The following EPB41L5 variants were observed in gnomAD, a reference collection of about 807,000 sequenced individuals.
The protein encoded by EPB41L5 is band 4.1-like protein 5.
In EPB41L5, 55 loss-of-function variants were observed where a neutral mutation model predicts 106.6. The observed-to-expected ratio is 0.52, with a 90% CI of 0.42 to 0.65. The LOEUF (loss-of-function observed/expected upper bound fraction) is 0.65, where lower values mean the gene tolerates loss of function less well. EPB41L5 is among the 30% of genes least tolerant of loss of function. The pLI is 0.00. For synonymous variants in EPB41L5, 297 were observed against 306.7 expected, an observed-to-expected ratio of 0.97 and a Z score of 0.33; for missense variants, 871 against 882.1, an observed-to-expected ratio of 0.99 and a Z score of 0.16.
intron 16 of EPB41L5, among the ~76,000 whole-genome samples, chr2:120,124,242 C>T (rs144439040): frequency 3.2e-4 from 48 of 152,326 alleles, no homozygotes; most frequent in Middle Eastern, 6.8e-3. Flanking sequence ...AGCTCCTGCC[C>T]ACAAGTACCC....
Position 120,153,085 on chromosome 2 carries a change from G to A in EPB41L5, c.1793+6796G>A, listed in dbSNP as rs114135824. ...CTTTGTTTTTCTAGTTCCTTAAGGTGTAAAGTTAGGTTATTGATTTTAAGA... is the reference window on the plus strand; with the variant it reads ...CTTTGTTTTTCTAGTTCCTTAAGGTATAAAGTTAGGTTATTGATTTTAAGA... On this transcript the variant is annotated intron_variant, in intron 20 of 24. Coordinates refer to ENST00000263713, the MANE Select transcript of EPB41L5 (RefSeq NM_020909.4). Among the ~76,000 whole-genome samples the A allele has an allele frequency of 2.2e-3, 341 of 152,196 alleles. 2 individuals are homozygous for A. Among genetic ancestry groups the A allele is most frequent in the African/African-American group, 7.7e-3 (319 of 41,572 alleles).
chr2:120,103,049 C>T lies in EPB41L5; in HGVS notation c.1337+2235C>T, dbSNP rs186986214. Reference sequence around the variant, plus strand: ...ATGATTTTGTTATTAAAAAAGCCTTCCAATTTTGTTTTGAAAAATTATTTT... The same window carrying T: ...ATGATTTTGTTATTAAAAAAGCCTTTCAATTTTGTTTTGAAAAATTATTTT... On this transcript the variant is annotated intron_variant, in intron 16 of 24. Transcript: ENST00000263713. Among the ~76,000 whole-genome samples, 106 of 152,224 alleles carry T rather than the reference C, an allele frequency of 7.0e-4. 1 individual carries two copies. Among genetic ancestry groups the T allele is most frequent in the Non-Finnish European group, 8.1e-4 (55 of 67,996 alleles).
intron 3 of EPB41L5, among the ~76,000 whole-genome samples, chr2:120,050,675 A>G (rs1056582477): frequency 2.6e-5 from 4 of 152,182 alleles, no homozygotes; most frequent in African/African-American, 9.7e-5. Flanking sequence ...GTCATTCTCC[A>G]TCCAGCTTTG....
At chr2:120,063,923 C>T (rs1681264004) in intron 3 of EPB41L5, among the ~76,000 whole-genome samples, 1 of 150,916 alleles carries the variant, frequency 6.6e-6, no homozygotes, top group East Asian at 1.9e-4. Context: ...GCCTGGGTGA[C>T]GAGAGTGAAA....
chr2:120,048,144 G>T (rs376392519), intron 3 of EPB41L5, among the ~76,000 whole-genome samples: 1 of 152,108 alleles, frequency 6.6e-6, no homozygotes, highest in East Asian at 1.9e-4. Context: ...TCTCTGCCAG[G>T]CTTTGGTATC....
intron 18 of EPB41L5, among the ~76,000 whole-genome samples, chr2:120,139,548 A>G (rs1686081458): frequency 2.0e-5 from 3 of 152,148 alleles, no homozygotes; most frequent in Admixed American, 2.0e-4. Context: ...AAAAGAAGAC[A>G]TACAAATGGC....
chr2:120,093,426 A>G (rs1683546281), intron 14 of EPB41L5, 150 bp downstream of exon 14: 1 of 711,502 alleles, frequency 1.4e-6, no homozygotes, highest in Non-Finnish European at 2.5e-6. Flanking sequence ...ATGTAATGCC[A>G]GATAAAAGTG....
At chr2:120,015,080 T>G (rs918945121) in intron 1 of EPB41L5, among the ~76,000 whole-genome samples, 2 of 150,938 alleles carry the variant, frequency 1.3e-5, no homozygotes, top group Non-Finnish European at 3.0e-5. Context: ...TCCCAGCACT[T>G]TGGGAGGCCG....
intron 2 of EPB41L5, among the ~76,000 whole-genome samples, chr2:120,035,661 A>C (rs1214084784): frequency 6.6e-6 from 1 of 152,192 alleles, no homozygotes; most frequent in Non-Finnish European, 1.5e-5. Context: ...CCTGGGCAAC[A>C]TGGTGAGACC....
At chr2:120,078,278 C>T (rs1409357470) in intron 9 of EPB41L5, among the ~76,000 whole-genome samples, 1 of 152,170 alleles carries the variant, frequency 6.6e-6, no homozygotes, top group African/African-American at 2.4e-5. Context: ...CACTTTAAAA[C>T]TCTAGTGTTT....
At chr2:120,119,904 T>C (rs1685133843) in intron 16 of EPB41L5, among the ~76,000 whole-genome samples, 1 of 152,210 alleles carries the variant, frequency 6.6e-6, no homozygotes, top group South Asian at 2.1e-4. Context: ...ATAAATTATA[T>C]TAAGCTCAAA....
intron 10 of EPB41L5, among the ~76,000 whole-genome samples, chr2:120,084,971 C>T (rs2105350398): frequency 6.6e-6 from 1 of 152,296 alleles, no homozygotes; most frequent in East Asian, 1.9e-4. Context: ...TGGTTTTCAG[C>T]TCCATCAGGT....
chr2:120,118,395 G>C (rs1327393192), intron 16 of EPB41L5, among the ~76,000 whole-genome samples: 1 of 152,000 alleles, frequency 6.6e-6, no homozygotes, highest in African/African-American at 2.4e-5. Flanking sequence ...TGTGCAGAAC[G>C]TGCAGGTTTG....
At chr2:120,047,583 A>T (rs1236862458) in intron 3 of EPB41L5, among the ~76,000 whole-genome samples, 1 of 151,940 alleles carries the variant, frequency 6.6e-6, no homozygotes, top group African/African-American at 2.4e-5. Flanking sequence ...GGGTTTTCTA[A>T]ATATACAATC....
intron 10 of EPB41L5, among the ~76,000 whole-genome samples, chr2:120,081,297 G>T (rs1369574779): frequency 4.6e-5 from 7 of 152,254 alleles, no homozygotes; most frequent in Non-Finnish European, 4.4e-5. Flanking sequence ...AAGGTGTAAG[G>T]AAGGGATCCA....
chr2:120,120,795 C>G (rs947861837), intron 16 of EPB41L5, among the ~76,000 whole-genome samples: 6 of 152,128 alleles, frequency 3.9e-5, no homozygotes, highest in African/African-American at 1.4e-4. Flanking sequence ...ACTGTTCCAG[C>G]TTTTTCTTCT....
chr2:120,058,407 C>T (rs1680804062), intron 3 of EPB41L5, among the ~76,000 whole-genome samples: 1 of 152,184 alleles, frequency 6.6e-6, no homozygotes, highest in South Asian at 2.1e-4. Flanking sequence ...AACTCCTGGC[C>T]TCAAGTGATC....
chr2:120,167,980 C>T lies in EPB41L5; in HGVS notation c.2108C>T (p.Ala703Val), dbSNP rs774831019. 1.8e-5 allele frequency: 29 copies of T among 1,613,962 alleles called. No individual in the cohort carries two copies. In the African/African-American group the frequency reaches 2.1e-4, roughly 12 times the overall value. ...KDGISLISPPAPFLVDAVTSS... is the reference protein window; with the variant it reads ...KDGISLISPPVPFLVDAVTSS... ...GGAATCTCACTGATCTCTCCCCCAG[C>T]GCCATTCTTGGTAGATGCTGTGACC... The change falls in exon 24 of 25, where the codon GCG becomes GTG. Residue 703 changes from alanine (A) to valine (V), a missense_variant. By Grantham distance (64) the Ala-to-Val change is moderately conservative. Coordinates refer to ENST00000263713, the MANE Select transcript of EPB41L5 (RefSeq NM_020909.4).
chr2:120,050,971 T>G (rs1409556109), intron 3 of EPB41L5, among the ~76,000 whole-genome samples: 1 of 152,148 alleles, frequency 6.6e-6, no homozygotes, highest in Admixed American at 6.5e-5. Flanking sequence ...TGCAGAACAG[T>G]GAATATTGCT....
Sources: gnomAD v4.1 joint callset for allele counts (sites outside exome capture counted in the v4.1 genomes callset) on GRCh38, gnomAD v4.1.1 for gene constraint, MANE v1.5 for transcripts, NCBI Gene and HGNC (gene_info 2026-07-23, HGNC 2026-07-21) for gene names.